Variants in SAMD12 observed in about 807,000 individuals in gnomAD.
SAMD12 encodes the protein sterile alpha motif domain-containing protein 12.
A neutral mutation model predicts 15.0 loss-of-function variants in SAMD12; 9 were observed. That is an observed-to-expected ratio of 0.60 (90% CI 0.36 to 1.05). The LOEUF (loss-of-function observed/expected upper bound fraction) is 1.05. Among genes scored for constraint, SAMD12 ranks in the 50% least tolerant of loss-of-function variants. The pLI is 0.01. For synonymous variants in SAMD12, 86 were observed against 90.1 expected, an observed-to-expected ratio of 0.96 and a Z score of 0.25; for missense variants, 230 against 234.2, an observed-to-expected ratio of 0.98 and a Z score of 0.12.
At chr8:118,177,082 C>G in the SAMD12 span, among the ~76,000 whole-genome samples, 1 of 152,078 alleles carries the variant, frequency 6.6e-6, no homozygotes, top group East Asian at 1.9e-4. Flanking sequence ...TGAGTGGATG[C>G]GTTTCGGGTA....
At chr8:118,244,187 T>G (rs1230634276) in intron 4 of SAMD12, among the ~76,000 whole-genome samples, 1 of 152,154 alleles carries the variant, frequency 6.6e-6, no homozygotes, top group Non-Finnish European at 1.5e-5. Context: ...TATATAAAGG[T>G]GCTAATTCAT....
At chr8:118,431,032 A>G (rs994788155) in intron 3 of SAMD12, among the ~76,000 whole-genome samples, 1 of 152,030 alleles carries the variant, frequency 6.6e-6, no homozygotes, top group Admixed American at 6.5e-5. Flanking sequence ...TCAACACATT[A>G]TTTATCTTTC....
At chr8:118,541,097 T>A (rs983790749) in intron 2 of SAMD12, among the ~76,000 whole-genome samples, 1 of 152,186 alleles carries the variant, frequency 6.6e-6, no homozygotes, top group Admixed American at 6.5e-5. Flanking sequence ...CATGCTGGTA[T>A]GTTTCGGTAC....
intron 3 of SAMD12, among the ~76,000 whole-genome samples, chr8:118,387,594 T>C (rs1440492392): frequency 1.3e-5 from 2 of 152,180 alleles, no homozygotes. Flanking sequence ...TTATTATCTA[T>C]TATTAAGAGC....
chr8:118,476,952 C>T (rs2515006), intron 2 of SAMD12, among the ~76,000 whole-genome samples: 124,097 of 151,810 alleles, frequency 0.82, 51,089 homozygotes, highest in African/African-American at 0.92. Flanking sequence ...TATCATGAAC[C>T]GTTTCCAATC....
intron 2 of SAMD12, among the ~76,000 whole-genome samples, chr8:118,530,003 A>G (rs1217591609): frequency 6.6e-6 from 1 of 152,210 alleles, no homozygotes; most frequent in African/African-American, 2.4e-5. Context: ...CCAACAGCAT[A>G]TAAGTCTTCC....
chr8:118,332,199 T>C (rs79106776), intron 4 of SAMD12, among the ~76,000 whole-genome samples: 3,640 of 152,334 alleles, frequency 0.024, 149 homozygotes, highest in African/African-American at 0.075. Flanking sequence ...GCTGAAAGTG[T>C]ATAACACCAA....
intron 2 of SAMD12, among the ~76,000 whole-genome samples, chr8:118,537,773 C>T (rs1181849454): frequency 2.0e-5 from 3 of 152,160 alleles, no homozygotes; most frequent in Admixed American, 2.0e-4. Flanking sequence ...TTTAGTTACC[C>T]GGAATCGCTG....
At chr8:118,192,361 T>C (rs866718861) in exon 5 of SAMD12, 1 of 152,150 alleles carries the variant, frequency 6.6e-6, no homozygotes, top group African/African-American at 2.4e-5. Context: ...TTTATTTCTC[T>C]TGATCCAAAT....
chr8:118,572,032 G>A (rs776719831), intron 2 of SAMD12, among the ~76,000 whole-genome samples: 7 of 152,202 alleles, frequency 4.6e-5, no homozygotes, highest in Non-Finnish European at 8.8e-5. Context: ...GAGGGAGGCT[G>A]TACATGCAAA....
chr8:118,164,149 C>T, the SAMD12 span, among the ~76,000 whole-genome samples: 1 of 152,070 alleles, frequency 6.6e-6, no homozygotes, highest in African/African-American at 2.4e-5. Flanking sequence ...AAGCAGAACT[C>T]CTTCTTGATG....
intron 4 of SAMD12, among the ~76,000 whole-genome samples, chr8:118,263,659 C>T (rs933687178): frequency 5.3e-5 from 8 of 151,886 alleles, no homozygotes; most frequent in East Asian, 1.9e-4. Flanking sequence ...TGGTGAAGGC[C>T]GAGCAATTAC....
chr8:118,430,405 C>T (rs1563855440), intron 3 of SAMD12, among the ~76,000 whole-genome samples: 1 of 150,594 alleles, frequency 6.6e-6, no homozygotes. Context: ...GCTCTGTTGC[C>T]AGGCTGGAGG....
chr8:118,486,883 G>A (rs1824305613), intron 2 of SAMD12, among the ~76,000 whole-genome samples: 1 of 152,170 alleles, frequency 6.6e-6, no homozygotes, highest in Non-Finnish European at 1.5e-5. Flanking sequence ...TGGAGCAGAG[G>A]TGCCCTCCGA....
At chr8:118,576,376 C>A (rs1372052548) in intron 2 of SAMD12, among the ~76,000 whole-genome samples, 1 of 152,182 alleles carries the variant, frequency 6.6e-6, no homozygotes, top group Non-Finnish European at 1.5e-5. Context: ...AATTCCATCA[C>A]ACAGTTTGGC....
chr8:118,224,401 T>G (rs1812143408), intron 4 of SAMD12, among the ~76,000 whole-genome samples: 1 of 152,226 alleles, frequency 6.6e-6, no homozygotes, highest in African/African-American at 2.4e-5. Context: ...TCCAAAATCA[T>G]GAATCTCAAA....
intron 4 of SAMD12, among the ~76,000 whole-genome samples, chr8:118,237,488 A>G (rs1812461799): frequency 6.6e-6 from 1 of 152,174 alleles, no homozygotes; most frequent in South Asian, 2.1e-4. Context: ...AACCAATAAT[A>G]TGATGAGAGT....
At chr8:118,543,918 G>T (rs1046373579) in intron 2 of SAMD12, among the ~76,000 whole-genome samples, 1 of 151,704 alleles carries the variant, frequency 6.6e-6, no homozygotes, top group African/African-American at 2.4e-5. Context: ...CAAATAACCG[G>T]GGCTAAATGA....
intron 2 of SAMD12, among the ~76,000 whole-genome samples, chr8:118,554,741 T>C (rs1194680439): frequency 6.6e-6 from 1 of 152,112 alleles, no homozygotes; most frequent in Non-Finnish European, 1.5e-5. Context: ...GATTACCCTT[T>C]ATGATATGGG....
Sources: gnomAD v4.1 joint callset for allele counts (sites outside exome capture counted in the v4.1 genomes callset) on GRCh38, gnomAD v4.1.1 for gene constraint, MANE v1.5 for transcripts, NCBI Gene and HGNC (gene_info 2026-07-23, HGNC 2026-07-21) for gene names.